RNF180: variants seen among roughly 807,000 people sequenced by gnomAD.
RNF180 encodes E3 ubiquitin-protein ligase RNF180.
A neutral mutation model predicts 59.2 loss-of-function variants in RNF180; 38 were observed. The observed-to-expected ratio is 0.64, with a 90% confidence interval of 0.50 to 0.84. RNF180 has a LOEUF of 0.84. Among genes scored for constraint, RNF180 ranks in the 40% least tolerant of loss-of-function variants. The pLI, the probability that RNF180 is intolerant of heterozygous loss-of-function variation, is 0.00. For missense variants in RNF180, 705 were observed against 700.9 expected (o/e 1.01, Z -0.07); for synonymous variants, 262 against 240.3 (o/e 1.09, Z -0.84).
chr5:64,277,178 T>TA lies in RNF180; in HGVS notation c.1228-47996dup, dbSNP rs1191379408. Reference sequence around the variant, plus strand: ...CCTAATACAATAGGATGGGTGGTCTTAAAAAAAAAAAAGGGGAAAAAAAAA... The same window carrying TA: ...CCTAATACAATAGGATGGGTGGTCTTAAAAAAAAAAAAAGGGGAAAAAAAAA... On this transcript the variant is annotated intron_variant, in intron 5 of 7. Coordinates refer to ENST00000389100, the MANE Select transcript of RNF180 (RefSeq NM_001113561.2). Among the ~76,000 whole-genome samples, 309 of 112,412 alleles carry TA rather than the reference T, an allele frequency of 2.7e-3. 2 individuals carry two copies. The highest frequency in any genetic ancestry group is 7.0e-3 in the East Asian group (30 of 4,282). 73.7% of individuals were successfully genotyped at this position (112,412 alleles called of 152,430 possible).
intron 7 of RNF180, among the ~76,000 whole-genome samples, chr5:64,338,096 G>A (rs1313960495): frequency 6.6e-6 from 1 of 152,092 alleles, no homozygotes; most frequent in Non-Finnish European, 1.5e-5. Flanking sequence ...CTTCCACAAT[G>A]GTTGAAATAT....
intron 5 of RNF180, among the ~76,000 whole-genome samples, chr5:64,235,822 C>T (rs1742406039): frequency 6.6e-6 from 1 of 152,196 alleles, no homozygotes; most frequent in African/African-American, 2.4e-5. Context: ...CTTCTTTCTC[C>T]TGTCACCATG....
chr5:64,329,134 A>G (rs1292469040), intron 6 of RNF180, among the ~76,000 whole-genome samples: 3 of 152,236 alleles, frequency 2.0e-5, no homozygotes, highest in Admixed American at 6.5e-5. Context: ...GTATATAGCA[A>G]TAGACTCAGG....
At chr5:64,353,529 T>C (rs1745898387) in intron 7 of RNF180, among the ~76,000 whole-genome samples, 1 of 151,756 alleles carries the variant, frequency 6.6e-6, no homozygotes, top group Non-Finnish European at 1.5e-5. Flanking sequence ...AAATAAGTCG[T>C]ATTTAGCCTA....
intron 5 of RNF180, among the ~76,000 whole-genome samples, chr5:64,226,342 C>T (rs1310477896): frequency 6.6e-6 from 1 of 152,216 alleles, no homozygotes; most frequent in Non-Finnish European, 1.5e-5. Flanking sequence ...CCTTGGGATG[C>T]TGTTGATCTA....
intron 2 of RNF180, among the ~76,000 whole-genome samples, chr5:64,203,013 C>T (rs546101268): frequency 2.8e-4 from 43 of 152,344 alleles, no homozygotes; most frequent in South Asian, 1.4e-3. Context: ...GATGTCACTT[C>T]TTCTCACTGG....
chr5:64,270,999 C>T (rs1561230224), intron 5 of RNF180, among the ~76,000 whole-genome samples: 1 of 151,946 alleles, frequency 6.6e-6, no homozygotes, highest in Non-Finnish European at 1.5e-5. Flanking sequence ...GTCATTGATT[C>T]CTACTAGAGT....
chr5:64,279,949 C>T (rs942482968), intron 5 of RNF180, among the ~76,000 whole-genome samples: 3 of 152,042 alleles, frequency 2.0e-5, no homozygotes, highest in East Asian at 1.9e-4. Context: ...AAAAATTAGC[C>T]GGGCGTGGTG....
At chr5:64,190,948 A>G (rs1751117489) in intron 1 of RNF180, among the ~76,000 whole-genome samples, 1 of 152,210 alleles carries the variant, frequency 6.6e-6, no homozygotes, top group African/African-American at 2.4e-5. Context: ...ACTAGTACAT[A>G]TATCATACTG....
At position 64,281,705 on chromosome 5, in the gene RNF180, C is replaced by A. The variant is rs567941800; in HGVS notation, c.1228-43481C>A. ...TAGAGACAAGGTTTCACCATGTTGG[C>A]CAGGCTGGTCTCGAACTCCTGACCT... On this transcript the variant is annotated intron_variant, in intron 5 of 7. Transcript: ENST00000389100. Among the ~76,000 whole-genome samples the A allele has an allele frequency of 3.4e-4, 51 of 152,228 alleles. No individual in the cohort carries two copies. The East Asian group carries it at 6.0e-3, about 18-fold the overall frequency.
At chr5:64,293,717 A>G (rs1561243869) in intron 5 of RNF180, among the ~76,000 whole-genome samples, 1 of 152,102 alleles carries the variant, frequency 6.6e-6, no homozygotes, top group Non-Finnish European at 1.5e-5. Flanking sequence ...TTGGTGATCT[A>G]CTTAGTATTA....
intron 5 of RNF180, among the ~76,000 whole-genome samples, chr5:64,245,058 C>T (rs1743067415): frequency 6.6e-6 from 1 of 152,164 alleles, no homozygotes; most frequent in Admixed American, 6.5e-5. Context: ...TTGTCACCAC[C>T]AGGCCTGCCT....
intron 5 of RNF180, among the ~76,000 whole-genome samples, chr5:64,283,284 GTTTGT>G (rs1387865758): frequency 1.3e-5 from 2 of 152,068 alleles, no homozygotes; most frequent in African/African-American, 4.8e-5. Context: ...TTGGTTTAAA[GTTTGT>G]TTTATCTGCT....
At chr5:64,347,858 A>C (rs1361053718) in intron 7 of RNF180, among the ~76,000 whole-genome samples, 1 of 152,178 alleles carries the variant, frequency 6.6e-6, no homozygotes, top group African/African-American at 2.4e-5. Flanking sequence ...GAAAAACTTC[A>C]TAACTATGCT....
chr5:64,171,799 A>G (rs1338640918), intron 1 of RNF180, among the ~76,000 whole-genome samples: 2 of 152,170 alleles, frequency 1.3e-5, no homozygotes, highest in South Asian at 2.1e-4. Flanking sequence ...CATCCTTCTC[A>G]TTCCTAAAAT....
At chr5:64,289,358 T>G (rs985003139) in intron 5 of RNF180, among the ~76,000 whole-genome samples, 8 of 152,202 alleles carry the variant, frequency 5.3e-5, no homozygotes, top group African/African-American at 1.9e-4. Context: ...TTTCCTGTTT[T>G]TGTTGTATCT....
chr5:64,200,973 C>T, intron 2 of RNF180, 31 bp downstream of exon 2: 1 of 1,602,774 alleles, frequency 6.2e-7, no homozygotes, highest in Non-Finnish European at 8.5e-7. Context: ...TCTTCAGTTT[C>T]CTGGTAGAGG....
In RNF180 at chr5:64,290,938, G is replaced by C. The variant is rs570696389; in HGVS notation, c.1228-34248G>C. Among the ~76,000 whole-genome samples the C allele has an allele frequency of 4.1e-4, 63 of 152,090 alleles. 1 individual carries two copies. The highest frequency in any genetic ancestry group is 1.5e-4 in the Non-Finnish European group (10 of 67,988). ...TGGTTGCTTCATAGTGTCACTAGTT[G>C]TGTACTTCAGTGTGTTTTGTAGTGG... On this transcript the variant is annotated intron_variant, in intron 5 of 7. Coordinates refer to ENST00000389100, the MANE Select transcript of RNF180 (RefSeq NM_001113561.2).
intron 7 of RNF180, among the ~76,000 whole-genome samples, chr5:64,348,779 C>A (rs1745660888): frequency 6.6e-6 from 1 of 151,926 alleles, no homozygotes; most frequent in East Asian, 1.9e-4. Context: ...AATTATAAAA[C>A]AGATTTTTTA....
Sources: gnomAD v4.1 joint callset for allele counts (sites outside exome capture counted in the v4.1 genomes callset) on GRCh38, gnomAD v4.1.1 for gene constraint, MANE v1.5 for transcripts, NCBI Gene and HGNC (gene_info 2026-07-23, HGNC 2026-07-21) for gene names.